The following ITIH5 variants were observed in gnomAD, a reference collection of about 807,000 sequenced individuals.
ITIH5 encodes the protein inter-alpha-trypsin inhibitor heavy chain 5.
In ITIH5, 65 loss-of-function variants were observed where a neutral mutation model predicts 77.5. The ratio of observed to expected loss-of-function variants is 0.84; its 90% CI spans 0.69 to 1.03. ITIH5 has a LOEUF of 1.03. Among genes scored for constraint, ITIH5 ranks in the 50% least tolerant of loss-of-function variants. The pLI, the probability that ITIH5 is intolerant of heterozygous loss-of-function variation, is 0.00. For synonymous variants in ITIH5, 525 were observed against 494.3 expected, an observed-to-expected ratio of 1.06 and a Z score of -0.82; for missense variants, 1,208 against 1,213.1, an observed-to-expected ratio of 1.00 and a Z score of 0.06.
chr10:7,570,231 T>G (rs1440512244), intron 11 of ITIH5: 1 of 152,816 alleles, frequency 6.5e-6, no homozygotes, highest in African/African-American at 2.4e-5. Context: ...CTATGGTGCT[T>G]CTTCTCCCAG....
rs113706314 is a variant in ITIH5, at chr10:7,563,085, A to T, written c.2827T>A (p.Ter943ArgextTer5). 8.1e-6 allele frequency: 13 copies of T among 1,613,090 alleles called. No individual in the cohort carries two copies. In the African/African-American group the frequency reaches 9.4e-5, roughly 12 times the overall value. ...TLGRGMSREL[*>R] ...TTGCATCTTTAAGGCTGCCAGCTTC[A>T]GAGCTCCCTGGACATTCCCCGGCCA... The change falls in exon 14 of 14, where the codon TGA becomes AGA. Residue 943 changes from the stop codon to arginine, a stop_lost. Transcript: ENST00000397146.
chr10:7,644,790 C>CAT, intron 2 of ITIH5, among the ~76,000 whole-genome samples: 1 of 105,184 alleles, frequency 9.5e-6, no homozygotes, highest in Non-Finnish European at 1.9e-5. Context: ...ACATATATAT[C>CAT]ATATATATCA....
In ITIH5 at chr10:7,625,932, C is replaced by T. The variant is rs117884183; in HGVS notation, c.653-8650G>A. On this transcript the variant is annotated intron_variant, in intron 5 of 13. Coordinates refer to ENST00000397146, the MANE Select transcript of ITIH5 (RefSeq NM_030569.7). ...CTTAGACGTCTGTAGATTCCAGGAA[C>T]CTTGCACAGCGCCAGAAACATGTGA... Among the ~76,000 whole-genome samples the T allele has an allele frequency of 1.1e-3, 165 of 152,302 alleles. No individual in the cohort carries two copies. The East Asian group carries it at 0.012, about 11-fold the overall frequency.
intron 5 of ITIH5, 44 bp downstream of exon 5, chr10:7,637,184 T>C (rs1161363862): frequency 1.9e-6 from 3 of 1,573,158 alleles, no homozygotes; most frequent in Non-Finnish European, 2.6e-6. Context: ...ACCAGCTGGG[T>C]GTTTTCACCA....
At chr10:7,628,505 T>A (rs1833623969) in intron 5 of ITIH5, among the ~76,000 whole-genome samples, 1 of 146,998 alleles carries the variant, frequency 6.8e-6, no homozygotes, top group Non-Finnish European at 1.5e-5. Context: ...TGTGTATCCA[T>A]GTTGTAGCAT....
At chr10:7,629,120 T>C (rs1232209659) in intron 5 of ITIH5, among the ~76,000 whole-genome samples, 1 of 140,636 alleles carries the variant, frequency 7.1e-6, no homozygotes, top group African/African-American at 2.5e-5. Flanking sequence ...TTGTAGAGTG[T>C]GTCCGTGTTG....
At chr10:7,658,123 AG>A (rs1834217679) in intron 1 of ITIH5, among the ~76,000 whole-genome samples, 1 of 152,328 alleles carries the variant, frequency 6.6e-6, no homozygotes, top group East Asian at 1.9e-4. Context: ...TGTAAGTGTA[AG>A]TGTTTTTATG....
intron 8 of ITIH5, among the ~76,000 whole-genome samples, chr10:7,584,656 C>A (rs111848258): frequency 6.6e-6 from 1 of 152,162 alleles, no homozygotes; most frequent in East Asian, 1.9e-4. Context: ...TCCACCAGCA[C>A]ACACACATCA....
chr10:7,591,867 T>C (rs12569689), intron 7 of ITIH5, among the ~76,000 whole-genome samples: 112,090 of 152,104 alleles, frequency 0.74, 41,494 homozygotes, highest in African/African-American at 0.81. Flanking sequence ...TATTTATTTA[T>C]GTATTTTATT....
At position 7,574,794 on chromosome 10, in the gene ITIH5, GAAAAA is replaced by G. The variant is rs59563530; in HGVS notation, c.1979-1604_1979-1600del. 2.1e-3 allele frequency among the ~76,000 whole-genome samples: 178 copies of G among 85,630 alleles called. 4 individuals carry two copies. The South Asian group carries it at 0.032, about 15-fold the overall frequency. 56.2% of individuals were successfully genotyped at this position (85,630 alleles called of 152,430 possible). A position where few individuals can be genotyped will look rare whatever the true frequency, so the allele number is the denominator to read the frequency against. On this transcript the variant is annotated intron_variant, in intron 10 of 13. Transcript: ENST00000397146. Reference sequence around the variant, plus strand: ...GGCGAAAGAGCGAGACTCCATCTCGGAAAAAAAAAAAAAAAAAAAGCAAAAAAAAA... The same window carrying G: ...GGCGAAAGAGCGAGACTCCATCTCGGAAAAAAAAAAAAAAGCAAAAAAAAA...
intron 1 of ITIH5, among the ~76,000 whole-genome samples, chr10:7,664,035 CAG>C (rs1427702877): frequency 6.6e-6 from 1 of 152,200 alleles, no homozygotes; most frequent in Non-Finnish European, 1.5e-5. Context: ...AAGTCTGTAG[CAG>C]ACAGTTTTTA....
chr10:7,628,434 A>G (rs114344303), intron 5 of ITIH5, among the ~76,000 whole-genome samples: 111 of 152,336 alleles, frequency 7.3e-4, no homozygotes, highest in African/African-American at 2.6e-3. Context: ...ACTCCGTCAC[A>G]CTGTAGCATG....
At chr10:7,627,963 TC>T (rs1466287179) in intron 5 of ITIH5, among the ~76,000 whole-genome samples, 1 of 144,392 alleles carries the variant, frequency 6.9e-6, no homozygotes, top group African/African-American at 2.6e-5. Context: ...TGCCTCAGCC[TC>T]CCAAGTAGCT....
rs965540828 is a variant in ITIH5 at position 7,582,341 on chromosome 10, C to T, written c.1109-2277G>A. Among the ~76,000 whole-genome samples the T allele has an allele frequency of 1.4e-4, 21 of 152,234 alleles. No individual in the cohort carries two copies. The East Asian group carries it at 2.7e-3, about 20-fold the overall frequency. On this transcript the variant is annotated intron_variant, in intron 8 of 13. Transcript: ENST00000397146. The stretch of plus-strand genomic sequence containing the variant: ...GGTTGGGTGGTTGAGGTTGAAACCC[C>T]AGCTACAGTGAGGTTTCTGGGTTAG...
chr10:7,581,718 CTTCTTTTTTTTTTTTT>C (rs1479389336), intron 8 of ITIH5, among the ~76,000 whole-genome samples: 1 of 113,778 alleles, frequency 8.8e-6, no homozygotes, highest in Non-Finnish European at 1.7e-5. Flanking sequence ...TTTTCTTTTC[CTTCTTTTTTTTTTTTT>C]TTTTTTTTTT....
rs867048 is a variant in ITIH5 at position 7,594,786 on chromosome 10, T to C, written c.940-8717A>G. On this transcript the variant is annotated intron_variant, in intron 7 of 13. Coordinates refer to ENST00000397146, the MANE Select transcript of ITIH5 (RefSeq NM_030569.7). Reference sequence around the variant, plus strand: ...TGACAACTCCTGGCTGGGAAGCCAGTGGGGAGGAATTAGCAAGTCTTGGGG... The same window carrying C: ...TGACAACTCCTGGCTGGGAAGCCAGCGGGGAGGAATTAGCAAGTCTTGGGG... 5.4e-3 allele frequency among the ~76,000 whole-genome samples: 813 copies of C among 151,816 alleles called. 3 individuals carry two copies. Among genetic ancestry groups the C allele is most frequent in the African/African-American group, 0.019 (776 of 41,386 alleles).
intron 5 of ITIH5, chr10:7,619,135 G>C (rs1472502172): frequency 6.6e-6 from 1 of 152,326 alleles, no homozygotes; most frequent in African/African-American, 2.4e-5. Context: ...AGATGCCTTA[G>C]ACCCATTAGA....
chr10:7,570,507 G>A (rs1483775473), intron 11 of ITIH5: 2 of 152,202 alleles, frequency 1.3e-5, no homozygotes, highest in African/African-American at 2.4e-5. Context: ...CTCTGTTAAA[G>A]GTGAACAGCC....
chr10:7,658,141 A>G (rs1834218075), intron 1 of ITIH5, among the ~76,000 whole-genome samples: 1 of 152,230 alleles, frequency 6.6e-6, no homozygotes, highest in Non-Finnish European at 1.5e-5. Flanking sequence ...TATGTATAGA[A>G]TGTGCATCAA....
Sources: gnomAD v4.1 joint callset for allele counts (sites outside exome capture counted in the v4.1 genomes callset) on GRCh38, gnomAD v4.1.1 for gene constraint, MANE v1.5 for transcripts, NCBI Gene and HGNC (gene_info 2026-07-23, HGNC 2026-07-21) for gene names.